CADPS2: variants seen among roughly 807,000 people sequenced by gnomAD.
The protein encoded by CADPS2 is calcium dependent secretion activator 2.
Under a neutral mutation model 172.5 loss-of-function variants are expected in CADPS2, and 93 were observed. That is an observed-to-expected ratio of 0.54 (90% CI 0.46 to 0.64). CADPS2 has a LOEUF of 0.64. Among genes scored for constraint, CADPS2 ranks in the 30% least tolerant of loss-of-function variants. CADPS2 has a pLI of 0.00. For synonymous variants in CADPS2, 546 were observed against 555.2 expected, an observed-to-expected ratio of 0.98 and a Z score of 0.23; for missense variants, 1,420 against 1,565.9, an observed-to-expected ratio of 0.91 and a Z score of 1.57.
rs143422443 is a variant in CADPS2, at chr7:122,419,884, C to T, written c.2477-3720G>A. Among the ~76,000 whole-genome samples the T allele has an allele frequency of 9.2e-5, 14 of 152,200 alleles. No individual in the cohort carries two copies. The East Asian group carries it at 2.7e-3, about 29-fold the overall frequency. On this transcript the variant is annotated intron_variant, in intron 17 of 29. Coordinates refer to ENST00000449022, the MANE Select transcript of CADPS2 (RefSeq NM_017954.11). ...ATCTTTGCCTAACTCTGCATGTTTG[C>T]ACATTTTACAATGCACAATATTGTT...
intron 1 of CADPS2, among the ~76,000 whole-genome samples, chr7:122,755,055 T>C (rs983442928): frequency 3.9e-5 from 6 of 152,180 alleles, no homozygotes; most frequent in Non-Finnish European, 7.4e-5. Context: ...ACAGGCAGCT[T>C]CATTTTTGTT....
chr7:122,551,063 A>G (rs561651192), intron 8 of CADPS2, among the ~76,000 whole-genome samples: 41 of 152,250 alleles, frequency 2.7e-4, no homozygotes, highest in African/African-American at 9.1e-4. Flanking sequence ...ACTATAATAT[A>G]TAGTCGTGGA....
chr7:122,738,865 A>C (rs1457901517), intron 1 of CADPS2, among the ~76,000 whole-genome samples: 4 of 151,812 alleles, frequency 2.6e-5, no homozygotes, highest in Admixed American at 6.6e-5. Context: ...AAAAAAAAAA[A>C]AAAAAACTTT....
chr7:122,513,226 T>C lies in CADPS2; in HGVS notation c.1542+23A>G, dbSNP rs1471097898. The stretch of plus-strand genomic sequence containing the variant: ...GAGAACTGCTATCTTAGAGTGATTA[T>C]TTAACAGGAAAAAATGACTAACCTG... On this transcript the variant is annotated intron_variant, in intron 9 of 29. Coordinates refer to ENST00000449022, the MANE Select transcript of CADPS2 (RefSeq NM_017954.11). The C allele has an allele frequency of 4.6e-6, 7 of 1,515,646 alleles. No individual in the cohort carries two copies. The Admixed American group carries it at 1.4e-4, about 30-fold the overall frequency. 93.9% of individuals were successfully genotyped at this position (1,515,646 alleles called of 1,614,324 possible).
At chr7:122,841,275 A>G (rs1040441401) in intron 1 of CADPS2, among the ~76,000 whole-genome samples, 1 of 152,204 alleles carries the variant, frequency 6.6e-6, no homozygotes, top group African/African-American at 2.4e-5. Context: ...CTTTCTTGAC[A>G]TACTTATTAC....
intron 1 of CADPS2, among the ~76,000 whole-genome samples, chr7:122,750,882 A>G (rs1048519087): frequency 6.6e-6 from 1 of 152,134 alleles, no homozygotes; most frequent in Non-Finnish European, 1.5e-5. Flanking sequence ...GATTTTCTGG[A>G]GATGGTAATT....
At chr7:122,635,333 GGTTA>G (rs533541470) in intron 3 of CADPS2, among the ~76,000 whole-genome samples, 2,026 of 151,752 alleles carry the variant, frequency 0.013, 22 homozygotes, top group Middle Eastern at 0.031. Context: ...ACAATGTGCA[GGTTA>G]GTTACTATGT....
intron 1 of CADPS2, among the ~76,000 whole-genome samples, chr7:122,791,924 T>A (rs1161094232): frequency 6.6e-6 from 1 of 152,206 alleles, no homozygotes; most frequent in Non-Finnish European, 1.5e-5. Context: ...AGAAAATACA[T>A]TTTATGTTAA....
At chr7:122,769,141 C>T (rs1319458235) in intron 1 of CADPS2, among the ~76,000 whole-genome samples, 2 of 152,180 alleles carry the variant, frequency 1.3e-5, no homozygotes, top group Non-Finnish European at 2.9e-5. Context: ...TTTTTACTAG[C>T]ACTGCCCTCA....
At chr7:122,397,517 G>GAAAGGAA (rs956859425) in intron 20 of CADPS2, among the ~76,000 whole-genome samples, 2 of 151,702 alleles carry the variant, frequency 1.3e-5, no homozygotes, top group African/African-American at 2.4e-5. Flanking sequence ...GAGGGGGAAA[G>GAAAGGAA]AAAGGAAAGA....
chr7:122,716,578 A>G (rs2089637981), intron 2 of CADPS2, among the ~76,000 whole-genome samples: 2 of 152,168 alleles, frequency 1.3e-5, no homozygotes, highest in Admixed American at 6.6e-5. Flanking sequence ...TACCTAAGGT[A>G]AATGATGAGT....
intron 5 of CADPS2, among the ~76,000 whole-genome samples, chr7:122,618,751 T>C (rs1174068774): frequency 6.6e-6 from 1 of 152,164 alleles, no homozygotes; most frequent in East Asian, 1.9e-4. Flanking sequence ...GAGATAATTA[T>C]TCAGTTTAGC....
At chr7:122,787,816 C>T (rs1008388255) in intron 1 of CADPS2, among the ~76,000 whole-genome samples, 3 of 152,164 alleles carry the variant, frequency 2.0e-5, no homozygotes, top group African/African-American at 7.2e-5. Context: ...TCACAAAAGT[C>T]CACCACATTC....
At chr7:122,879,715 T>C (rs536402767) in intron 1 of CADPS2, among the ~76,000 whole-genome samples, 1 of 152,248 alleles carries the variant, frequency 6.6e-6, no homozygotes, top group East Asian at 1.9e-4. Context: ...ATATTTTCAT[T>C]ATAAAAATCC....
intron 25 of CADPS2, 171 bp downstream of exon 25, chr7:122,379,197 C>T (rs1205551138): frequency 3.8e-5 from 18 of 474,682 alleles, no homozygotes; most frequent in Admixed American, 1.1e-4. Context: ...AAGCTGTTGA[C>T]ATAGTGTTCC....
At chr7:122,500,348 T>G (rs1345339857) in intron 9 of CADPS2, among the ~76,000 whole-genome samples, 3 of 152,196 alleles carry the variant, frequency 2.0e-5, no homozygotes, top group Non-Finnish European at 4.4e-5. Flanking sequence ...TTCAATTCAG[T>G]AAATATTCTG....
At chr7:122,681,456 G>A (rs570952643) in intron 2 of CADPS2, 129 of 1,528,468 alleles carry the variant, frequency 8.4e-5, no homozygotes, top group African/African-American at 4.8e-4. Context: ...AGTGGAGGCC[G>A]TAGCAGTCAG....
intron 7 of CADPS2, among the ~76,000 whole-genome samples, chr7:122,575,294 T>C (rs1010510761): frequency 1.2e-4 from 19 of 152,038 alleles, no homozygotes; most frequent in Non-Finnish European, 8.8e-5. Context: ...CCAGCTTTTA[T>C]TGACATGTTG....
At chr7:122,850,976 T>C (rs1348092938) in intron 1 of CADPS2, among the ~76,000 whole-genome samples, 1 of 152,226 alleles carries the variant, frequency 6.6e-6, no homozygotes, top group South Asian at 2.1e-4. Flanking sequence ...CAAGTATCTC[T>C]CTACTCCCAC....
Sources: allele counts gnomAD v4.1 joint callset (sites outside exome capture counted in the v4.1 genomes callset), GRCh38; gene constraint gnomAD v4.1.1; transcripts MANE v1.5; gene names NCBI Gene and HGNC (gene_info 2026-07-23, HGNC 2026-07-21).